NRXN1: variants seen among roughly 807,000 people sequenced by gnomAD.
The protein encoded by NRXN1 is neurexin-1.
In NRXN1, 39 loss-of-function variants were observed where a neutral mutation model predicts 150.9. The observed-to-expected ratio is 0.26, with a 90% CI of 0.20 to 0.34. The LOEUF is 0.34. Among genes scored for constraint, NRXN1 ranks in the 10% least tolerant of loss-of-function variants. The probability of loss-of-function intolerance (pLI) is 1.00; values close to 1 mark genes in which losing one functional copy is unlikely to be tolerated. For missense variants in NRXN1, 1,815 were observed against 1,949.9 expected (o/e 0.93, Z 1.30); for synonymous variants, 924 against 757.0 (o/e 1.22, Z -3.62).
At chr2:50,111,027 AG>A (rs1558900623) in intron 18 of NRXN1, among the ~76,000 whole-genome samples, 1 of 152,136 alleles carries the variant, frequency 6.6e-6, no homozygotes. Flanking sequence ...TAAAACTTTA[AG>A]GTGCAAATGG....
At chr2:49,930,720 C>T (rs1239101031) in intron 22 of NRXN1, among the ~76,000 whole-genome samples, 2 of 152,158 alleles carry the variant, frequency 1.3e-5, no homozygotes, top group African/African-American at 4.8e-5. Context: ...AGTTCTCTCA[C>T]CTTCCAAACT....
chr2:50,310,141 G>C (rs956449297), intron 17 of NRXN1, among the ~76,000 whole-genome samples: 5 of 152,208 alleles, frequency 3.3e-5, no homozygotes, highest in African/African-American at 7.2e-5. Flanking sequence ...TCTTGCTCTT[G>C]TTTGTGTTGG....
At chr2:50,988,802 G>A (rs2104962766) in intron 2 of NRXN1, among the ~76,000 whole-genome samples, 1 of 151,888 alleles carries the variant, frequency 6.6e-6, no homozygotes, top group African/African-American at 2.4e-5. Context: ...GCTGTATGAG[G>A]GTGCCTAAAT....
chr2:50,973,169 G>T (rs749548270), intron 2 of NRXN1, among the ~76,000 whole-genome samples: 2 of 152,160 alleles, frequency 1.3e-5, no homozygotes, highest in Non-Finnish European at 2.9e-5. Flanking sequence ...TAATCCAAAT[G>T]CATTGCAACT....
chr2:50,393,390 C>T (rs1300388162), intron 17 of NRXN1, among the ~76,000 whole-genome samples: 1 of 151,916 alleles, frequency 6.6e-6, no homozygotes, highest in Non-Finnish European at 1.5e-5. Flanking sequence ...AGTCTTGTGA[C>T]CCTCCAAGTA....
chr2:50,267,829 A>C (rs1454229641), intron 17 of NRXN1, among the ~76,000 whole-genome samples: 2 of 152,164 alleles, frequency 1.3e-5, no homozygotes, highest in Non-Finnish European at 2.9e-5. Flanking sequence ...TTCATTTAAC[A>C]GACATTATCT....
intron 5 of NRXN1, among the ~76,000 whole-genome samples, chr2:50,691,527 C>T (rs1692072669): frequency 6.6e-6 from 1 of 152,098 alleles, no homozygotes; most frequent in African/African-American, 2.4e-5. Context: ...TCTGTGGAAA[C>T]AATACACATG....
intron 19 of NRXN1, among the ~76,000 whole-genome samples, chr2:50,079,085 A>G (rs576164583): frequency 3.3e-5 from 5 of 151,894 alleles, no homozygotes; most frequent in African/African-American, 1.2e-4. Context: ...ATCTATCTGT[A>G]TATCTTTCTT....
chr2:50,598,715 T>G lies in NRXN1; in HGVS notation c.1320+21307A>C, dbSNP rs1362623248. On this transcript the variant is annotated intron_variant, in intron 8 of 22. Coordinates refer to ENST00000401669, the MANE Select transcript of NRXN1 (RefSeq NM_001330078.2). ...ATATCTATATATATATACATATATA[T>G]GTATATATACACATATATATGTATA... is the stretch of plus-strand genomic sequence containing the variant. 3.4e-5 allele frequency among the ~76,000 whole-genome samples: 5 copies of G among 147,466 alleles called. No homozygotes were observed. In the South Asian group the frequency reaches 1.0e-3, roughly 31 times the overall value.
chr2:50,739,775 A>T (rs891769597), intron 5 of NRXN1, among the ~76,000 whole-genome samples: 1 of 152,214 alleles, frequency 6.6e-6, no homozygotes, highest in Non-Finnish European at 1.5e-5. Flanking sequence ...TCCAATGGGG[A>T]TAATATGAAG....
chr2:50,710,423 C>T (rs753622134), intron 5 of NRXN1, among the ~76,000 whole-genome samples: 20 of 152,306 alleles, frequency 1.3e-4, no homozygotes, highest in Non-Finnish European at 2.2e-4. Flanking sequence ...CACATACCCA[C>T]CTCTATGCAC....
intron 17 of NRXN1, among the ~76,000 whole-genome samples, chr2:50,415,737 G>A (rs2083487859): frequency 6.6e-6 from 1 of 151,578 alleles, no homozygotes; most frequent in Non-Finnish European, 1.5e-5. Context: ...TTGAGTCCAG[G>A]ACCAATACCT....
At chr2:50,986,244 G>C (rs1160663035) in intron 2 of NRXN1, among the ~76,000 whole-genome samples, 1 of 151,650 alleles carries the variant, frequency 6.6e-6, no homozygotes, top group Non-Finnish European at 1.5e-5. Flanking sequence ...TACTGGTAAT[G>C]CAAATATAAA....
chr2:50,638,363 G>A (rs1264936820), intron 5 of NRXN1, among the ~76,000 whole-genome samples: 1 of 152,002 alleles, frequency 6.6e-6, no homozygotes, highest in Non-Finnish European at 1.5e-5. Context: ...AAAGAAATGG[G>A]CCTTCTCTCA....
chr2:50,495,256 T>C (rs7425507), intron 15 of NRXN1, among the ~76,000 whole-genome samples: 26 of 152,270 alleles, frequency 1.7e-4, no homozygotes, highest in African/African-American at 6.3e-4. Flanking sequence ...TTTCTCAGCA[T>C]TTTGTCACGT....
intron 8 of NRXN1, among the ~76,000 whole-genome samples, chr2:50,585,403 T>G (rs559919211): frequency 1.8e-4 from 27 of 152,264 alleles, no homozygotes; most frequent in Middle Eastern, 3.4e-3. Flanking sequence ...TTAATGGGTG[T>G]AGATTATCAG....
intron 17 of NRXN1, among the ~76,000 whole-genome samples, chr2:50,301,998 A>AT (rs1198244588): frequency 6.6e-6 from 1 of 152,100 alleles, no homozygotes; most frequent in Admixed American, 6.6e-5. Flanking sequence ...CCAGCAAATC[A>AT]TTTTTCAGTG....
intron 5 of NRXN1, among the ~76,000 whole-genome samples, chr2:50,673,893 G>T (rs2104746821): frequency 6.6e-6 from 1 of 152,124 alleles, no homozygotes; most frequent in East Asian, 1.9e-4. Context: ...CCTTTGCAGG[G>T]ACACGGATGA....
intron 5 of NRXN1, among the ~76,000 whole-genome samples, chr2:50,637,819 C>T (rs1181321761): frequency 6.6e-6 from 1 of 151,238 alleles, no homozygotes; most frequent in African/African-American, 2.4e-5. Flanking sequence ...AGGGGACAGC[C>T]TAATCATTCA....
Sources: gnomAD v4.1 joint callset for allele counts (sites outside exome capture counted in the v4.1 genomes callset) on GRCh38, gnomAD v4.1.1 for gene constraint, MANE v1.5 for transcripts, NCBI Gene and HGNC (gene_info 2026-07-23, HGNC 2026-07-21) for gene names.